Variants in TENM4 observed in about 807,000 individuals in gnomAD.
TENM4 encodes teneurin-4.
A neutral mutation model predicts 243.3 loss-of-function variants in TENM4; 82 were observed. The ratio of observed to expected loss-of-function variants is 0.34; its 90% CI spans 0.28 to 0.40. TENM4 has a LOEUF of 0.40. Ranked by LOEUF, TENM4 falls within the 10% of genes least tolerant of loss-of-function variation. The pLI, the probability that TENM4 is intolerant of heterozygous loss-of-function variation, is 1.00. For missense variants in TENM4, 3,138 were observed against 3,673.3 expected (o/e 0.85, Z 3.77); for synonymous variants, 1,412 against 1,456.3 (o/e 0.97, Z 0.69).
At chr11:79,409,568 C>T (rs1296167761) in intron 1 of TENM4, among the ~76,000 whole-genome samples, 1 of 152,150 alleles carries the variant, frequency 6.6e-6, no homozygotes, top group East Asian at 1.9e-4. Flanking sequence ...AATAGCCCCC[C>T]CGGAACCATT....
chr11:78,947,364 A>G (rs1246896831), intron 6 of TENM4, among the ~76,000 whole-genome samples: 2 of 152,192 alleles, frequency 1.3e-5, no homozygotes, highest in Admixed American at 1.3e-4. Flanking sequence ...GAACCCTCCA[A>G]CTACAGGATG....
At chr11:78,783,829 G>A (rs1856883889) in intron 16 of TENM4, among the ~76,000 whole-genome samples, 1 of 152,188 alleles carries the variant, frequency 6.6e-6, no homozygotes, top group South Asian at 2.1e-4. Context: ...TCCAAAAGAA[G>A]ATATTTAATT....
chr11:79,032,946 G>A (rs890723321), intron 6 of TENM4, among the ~76,000 whole-genome samples: 8 of 152,082 alleles, frequency 5.3e-5, no homozygotes, highest in African/African-American at 1.9e-4. Context: ...CTTATTTGGA[G>A]TGGAAATTAA....
At chr11:78,677,364 C>T (rs1157884343) in intron 29 of TENM4, among the ~76,000 whole-genome samples, 3 of 151,438 alleles carry the variant, frequency 2.0e-5, no homozygotes, top group Non-Finnish European at 4.4e-5. Flanking sequence ...AAGCAATCCT[C>T]CAACCTCAGC....
At chr11:79,110,932 A>G (rs1221804662) in intron 4 of TENM4, among the ~76,000 whole-genome samples, 1 of 152,116 alleles carries the variant, frequency 6.6e-6, no homozygotes, top group South Asian at 2.1e-4. Flanking sequence ...CAACAGCTCC[A>G]CTCAACAACA....
chr11:78,722,612 A>C (rs1210226199), intron 24 of TENM4, 56 bp downstream of exon 24: 1 of 1,573,888 alleles, frequency 6.4e-7, no homozygotes, highest in East Asian at 2.3e-5. Flanking sequence ...GGCGGGGCCC[A>C]AAGGATGGCA....
At chr11:79,132,345 C>CAA (rs569082783) in intron 4 of TENM4, among the ~76,000 whole-genome samples, 15,786 of 49,892 alleles carry the variant, frequency 0.32, 2,825 homozygotes, top group Middle Eastern at 0.55. Context: ...GACTCCAACT[C>CAA]AAAAAAAAAA....
At chr11:79,042,854 A>G (rs17827627) in intron 6 of TENM4, among the ~76,000 whole-genome samples, 16,605 of 152,244 alleles carry the variant, frequency 0.11, 1,124 homozygotes, top group Middle Eastern at 0.15. Flanking sequence ...TCTGTCAGGT[A>G]GAACCAGGGT....
intron 29 of TENM4, among the ~76,000 whole-genome samples, chr11:78,677,752 T>G (rs1858517618): frequency 6.6e-6 from 1 of 152,142 alleles, no homozygotes; most frequent in Non-Finnish European, 1.5e-5. Context: ...TAAATTTGAT[T>G]TAAAACATTC....
chr11:79,125,561 G>T (rs370178604), intron 4 of TENM4, among the ~76,000 whole-genome samples: 17 of 152,146 alleles, frequency 1.1e-4, no homozygotes, highest in African/African-American at 3.6e-4. Context: ...AACTTGGAAT[G>T]GGGGGTGTGT....
intron 1 of TENM4, among the ~76,000 whole-genome samples, chr11:79,393,209 T>C (rs1423680654): frequency 6.6e-6 from 1 of 152,102 alleles, no homozygotes; most frequent in Non-Finnish European, 1.5e-5. Context: ...AAAACAGCCT[T>C]GTGGAATATA....
At chr11:79,003,307 G>A (rs933597009) in intron 6 of TENM4, among the ~76,000 whole-genome samples, 1 of 151,772 alleles carries the variant, frequency 6.6e-6, no homozygotes, top group African/African-American at 2.4e-5. Flanking sequence ...GACAACCCTT[G>A]TGAGATACTG....
At chr11:79,045,545 T>G (rs780632208) in intron 6 of TENM4, among the ~76,000 whole-genome samples, 1 of 152,120 alleles carries the variant, frequency 6.6e-6, no homozygotes, top group Non-Finnish European at 1.5e-5. Flanking sequence ...CCCCACCCCC[T>G]TACTGACAGG....
At chr11:79,273,183 T>C (rs978273308) in intron 2 of TENM4, among the ~76,000 whole-genome samples, 3 of 152,234 alleles carry the variant, frequency 2.0e-5, no homozygotes, top group African/African-American at 7.2e-5. Flanking sequence ...CAATCTGCCA[T>C]GCATAATTGT....
intron 22 of TENM4, among the ~76,000 whole-genome samples, chr11:78,728,170 A>G (rs148351547): frequency 5.3e-5 from 8 of 152,226 alleles, no homozygotes; most frequent in African/African-American, 1.9e-4. Flanking sequence ...GATCATGAAC[A>G]GTGAGAGATG....
At chr11:78,952,751 AG>A (rs1337681270) in intron 6 of TENM4, among the ~76,000 whole-genome samples, 5 of 152,124 alleles carry the variant, frequency 3.3e-5, no homozygotes, top group African/African-American at 1.2e-4. Flanking sequence ...CCTTGATCTC[AG>A]TGTCTTAGAT....
chr11:79,141,328 A>G (rs1862280855), intron 4 of TENM4, among the ~76,000 whole-genome samples: 1 of 152,118 alleles, frequency 6.6e-6, no homozygotes, highest in South Asian at 2.1e-4. Context: ...GACACTGCAT[A>G]AATTCAAAGG....
At chr11:79,370,595 T>A (rs1348749987) in intron 1 of TENM4, among the ~76,000 whole-genome samples, 3 of 151,998 alleles carry the variant, frequency 2.0e-5, no homozygotes, top group African/African-American at 7.3e-5. Flanking sequence ...TCCATGTCCA[T>A]CTGCAATTCC....
intron 15 of TENM4, among the ~76,000 whole-genome samples, chr11:78,799,089 G>T (rs1857226004): frequency 6.6e-6 from 1 of 152,146 alleles, no homozygotes. Flanking sequence ...AGCTACTGTG[G>T]GGTGCTCTCT....
Sources: gnomAD v4.1 joint callset for allele counts (sites outside exome capture counted in the v4.1 genomes callset) on GRCh38, gnomAD v4.1.1 for gene constraint, MANE v1.5 for transcripts, NCBI Gene and HGNC (gene_info 2026-07-23, HGNC 2026-07-21) for gene names.